The following SHANK2 variants were observed in gnomAD, a reference collection of about 807,000 sequenced individuals.
SHANK2 encodes the protein SH3 and multiple ankyrin repeat domains protein 2.
In SHANK2, 43 loss-of-function variants were observed where a neutral mutation model predicts 133.7. The observed-to-expected ratio is 0.32, with a 90% CI of 0.25 to 0.41. The LOEUF is 0.41. Among genes scored for constraint, SHANK2 ranks in the 10% least tolerant of loss-of-function variants. SHANK2 has a pLI of 1.00. For missense variants in SHANK2, 1,994 were observed against 2,235.8 expected, an observed-to-expected ratio of 0.89 and a Z score of 2.18; for synonymous variants, 1,017 against 952.8, an observed-to-expected ratio of 1.07 and a Z score of -1.24.
chr11:70,664,739 A>AG (rs1944648012), intron 15 of SHANK2, among the ~76,000 whole-genome samples: 2 of 152,228 alleles, frequency 1.3e-5, no homozygotes, highest in Non-Finnish European at 2.9e-5. Flanking sequence ...GGGGCTGCCC[A>AG]GACACTTGCT....
At chr11:71,091,912 C>A (rs185707115) in intron 8 of SHANK2, among the ~76,000 whole-genome samples, 1 of 152,338 alleles carries the variant, frequency 6.6e-6, no homozygotes, top group Non-Finnish European at 1.5e-5. Flanking sequence ...CTGGAGACAG[C>A]CGGTGAAATC....
chr11:71,073,147 CTTTTTTTTCTTTTTTTTCTTTTTTTTTT>C (rs1171282098), intron 9 of SHANK2, among the ~76,000 whole-genome samples: 11 of 62,716 alleles, frequency 1.8e-4, no homozygotes, highest in South Asian at 9.0e-4. Flanking sequence ...TTTTTCTTTT[CTTTTTTTTCTTTTTTTTCTTTTTTTTTT>C]TGAGATAGAG....
At chr11:70,955,422 GGTGTGTGTGTGT>G (rs1186144718) in intron 10 of SHANK2, among the ~76,000 whole-genome samples, 25 of 146,560 alleles carry the variant, frequency 1.7e-4, no homozygotes, top group African/African-American at 3.3e-4. Context: ...AGACCCACGG[GGTGTGTGTGTGT>G]GTGTGTGTGT....
rs953257178 is a variant in SHANK2 at position 71,071,945 on chromosome 11, G to A, written c.1029+3214C>T. ...AGTTCCTCCTCTGAGATCTCCCTCT[G>A]TTCCTCCAGGATAAAGAGCCACATC... On this transcript the variant is annotated intron_variant, in intron 9 of 25. Coordinates refer to ENST00000601538, the MANE Select transcript of SHANK2 (RefSeq NM_012309.5). Among the ~76,000 whole-genome samples the A allele has an allele frequency of 7.0e-3, 1,064 of 152,228 alleles. 26 individuals are homozygous for A. The highest frequency in any genetic ancestry group is 0.049 in the East Asian group (256 of 5,178).
chr11:70,689,057 C>T (rs945201943), intron 15 of SHANK2, among the ~76,000 whole-genome samples: 1 of 152,242 alleles, frequency 6.6e-6, no homozygotes, highest in African/African-American at 2.4e-5. Context: ...TTCACCTGAG[C>T]TCTGCCGTGA....
At chr11:70,657,853 G>A (rs1214867871) in intron 17 of SHANK2, among the ~76,000 whole-genome samples, 5 of 152,154 alleles carry the variant, frequency 3.3e-5, no homozygotes, top group African/African-American at 1.2e-4. Flanking sequence ...TTCCACAAAG[G>A]CTTCAAACCG....
intron 17 of SHANK2, among the ~76,000 whole-genome samples, chr11:70,550,694 G>A (rs1286678292): frequency 2.0e-5 from 3 of 152,190 alleles, no homozygotes; most frequent in African/African-American, 7.2e-5. Flanking sequence ...ACCCTGGGGA[G>A]GGGCCCGGTG....
At chr11:70,643,921 G>C (rs566872315) in intron 17 of SHANK2, among the ~76,000 whole-genome samples, 21 of 152,032 alleles carry the variant, frequency 1.4e-4, no homozygotes, top group African/African-American at 4.8e-4. Context: ...AGGTGGAGGG[G>C]GGGGAGGAAC....
At chr11:70,944,364 C>T (rs542221968) in intron 10 of SHANK2, among the ~76,000 whole-genome samples, 130 of 152,326 alleles carry the variant, frequency 8.5e-4, no homozygotes, top group African/African-American at 2.7e-3. Context: ...GGGCCCTCCC[C>T]GGAGTCCAGG....
chr11:70,693,443 A>G (rs566069683), intron 15 of SHANK2, among the ~76,000 whole-genome samples: 1 of 152,098 alleles, frequency 6.6e-6, no homozygotes, highest in East Asian at 1.9e-4. Context: ...TTCCTCCTCA[A>G]TCTTTGTGTT....
In SHANK2 at chr11:71,175,695, C is replaced by T. The variant is rs782408373; in HGVS notation, c.-12-28357G>A. On this transcript the variant is annotated intron_variant, in intron 2 of 25. Transcript: ENST00000601538. The surrounding 1 kb of genome is among the most constrained non-coding windows in gnomAD (Gnocchi z 4.2). ...AACCACCCAAAATATATCCAAACCA[C>T]CAAAATATGTAAAAAGAAAAATAAC... is the stretch of plus-strand genomic sequence containing the variant. 2.0e-5 allele frequency among the ~76,000 whole-genome samples: 3 copies of T among 151,868 alleles called. No homozygotes were observed. The highest frequency in any genetic ancestry group is 4.4e-5 in the Non-Finnish European group (3 of 68,004).
intron 18 of SHANK2, among the ~76,000 whole-genome samples, 154 bp from the exon 19 acceptor site, chr11:70,502,440 A>G (rs1555158938): frequency 2.0e-5 from 3 of 152,104 alleles, no homozygotes; most frequent in Non-Finnish European, 4.4e-5. Context: ...ATGGGAAAGG[A>G]CAGGTGCTCA....
At chr11:70,716,238 G>A (rs911342793) in intron 14 of SHANK2, among the ~76,000 whole-genome samples, 1 of 152,116 alleles carries the variant, frequency 6.6e-6, no homozygotes, top group African/African-American at 2.4e-5. Context: ...CTCCTGGCAC[G>A]AGGTGCTCAA....
chr11:70,542,409 C>T (rs2059634272), intron 17 of SHANK2, among the ~76,000 whole-genome samples: 1 of 152,156 alleles, frequency 6.6e-6, no homozygotes, highest in African/African-American at 2.4e-5. Flanking sequence ...CTGGAGGAGG[C>T]AAGGAAGGAC....
chr11:70,838,022 T>G (rs1332962418), intron 11 of SHANK2, among the ~76,000 whole-genome samples: 2 of 141,708 alleles, frequency 1.4e-5, no homozygotes, highest in Non-Finnish European at 3.1e-5. Flanking sequence ...AGATGCATGC[T>G]GAGTAACTTC....
intron 9 of SHANK2, among the ~76,000 whole-genome samples, chr11:71,066,096 GGGT>G (rs1951055297): frequency 1.5e-4 from 17 of 116,858 alleles, no homozygotes; most frequent in Non-Finnish European, 1.9e-4. Context: ...TTGGTGGGGG[GGGT>G]GTGTGCAGAA....
intron 10 of SHANK2, among the ~76,000 whole-genome samples, chr11:70,916,747 A>G (rs145298692): frequency 6.4e-4 from 97 of 152,270 alleles, no homozygotes; most frequent in Non-Finnish European, 1.1e-3. Flanking sequence ...CAGGGTCTCT[A>G]TCCTGAAAGC....
chr11:71,123,015 C>T (rs782023234), intron 3 of SHANK2, among the ~76,000 whole-genome samples: 19 of 152,174 alleles, frequency 1.2e-4, no homozygotes, highest in Non-Finnish European at 2.4e-4. Flanking sequence ...TCTCTGAGAG[C>T]GGAACTCAGC....
intron 8 of SHANK2, 68 bp downstream of exon 8, chr11:71,092,354 T>C: frequency 6.5e-7 from 1 of 1,528,440 alleles, no homozygotes; most frequent in Admixed American, 2.0e-5. Context: ...CCTGCTTATC[T>C]GCGGGATCGG....
Sources: gnomAD v4.1 joint callset for allele counts (sites outside exome capture counted in the v4.1 genomes callset) on GRCh38, gnomAD v4.1.1 for gene constraint, Gnocchi (gnomAD v3.1) non-coding constraint, MANE v1.5 for transcripts, NCBI Gene and HGNC (gene_info 2026-07-23, HGNC 2026-07-21) for gene names.